SNTG1: variants seen among roughly 807,000 people sequenced by gnomAD.
SNTG1 encodes the protein syntrophin gamma 1, also known as gamma-1-syntrophin.
Under a neutral mutation model 74.7 loss-of-function variants are expected in SNTG1, and 39 were observed. The observed-to-expected ratio is 0.52, with a 90% CI of 0.40 to 0.68. The LOEUF (loss-of-function observed/expected upper bound fraction) is 0.68. Ranked by LOEUF, SNTG1 falls within the 30% of genes least tolerant of loss-of-function variation. SNTG1 has a pLI of 0.00. For synonymous variants in SNTG1, 254 were observed against 217.1 expected, an observed-to-expected ratio of 1.17 and a Z score of -1.49; for missense variants, 685 against 609.5, an observed-to-expected ratio of 1.12 and a Z score of -1.30.
intron 8 of SNTG1, among the ~76,000 whole-genome samples, chr8:50,490,377 A>G (rs928458747): frequency 1.3e-5 from 2 of 152,160 alleles, no homozygotes. Context: ...GGCCATTTTC[A>G]CGATATTGAT....
intron 12 of SNTG1, among the ~76,000 whole-genome samples, chr8:50,589,321 C>T (rs1003038990): frequency 6.6e-6 from 1 of 152,150 alleles, no homozygotes; most frequent in African/African-American, 2.4e-5. Context: ...TTCTGATGGT[C>T]TAGTAAACAC....
At chr8:49,959,175 G>A (rs1159776181) in intron 1 of SNTG1, among the ~76,000 whole-genome samples, 1 of 152,128 alleles carries the variant, frequency 6.6e-6, no homozygotes, top group Non-Finnish European at 1.5e-5. Flanking sequence ...CTGATTTATG[G>A]AAATTAGGCT....
rs7826565 is a variant in SNTG1 at position 50,283,985 on chromosome 8, T to A, written c.-27-110227T>A. ...AAATTGTTGGTACATTAGTATAAAG[T>A]AGAGTGCATACTTATTCAGATTTCA... On this transcript the variant is annotated intron_variant, in intron 2 of 18. Coordinates refer to ENST00000642720, the MANE Select transcript of SNTG1 (RefSeq NM_018967.5). Among the ~76,000 whole-genome samples, 406 of 152,230 alleles carry A rather than the reference T, an allele frequency of 2.7e-3. 2 individuals carry two copies. The highest frequency in any genetic ancestry group is 9.4e-3 in the African/African-American group (392 of 41,562).
At chr8:50,085,082 A>G (rs1822757162) in intron 1 of SNTG1, among the ~76,000 whole-genome samples, 2 of 152,252 alleles carry the variant, frequency 1.3e-5, no homozygotes, top group African/African-American at 4.8e-5. Context: ...AAGAGCAGGA[A>G]GCTGGTATGC....
intron 2 of SNTG1, among the ~76,000 whole-genome samples, chr8:50,242,193 A>T (rs1400893482): frequency 6.6e-6 from 1 of 151,940 alleles, no homozygotes; most frequent in Non-Finnish European, 1.5e-5. Flanking sequence ...TCATAAAGAA[A>T]ATGTCTTCTA....
chr8:50,324,886 C>T (rs1344456020), intron 2 of SNTG1, among the ~76,000 whole-genome samples: 1 of 147,340 alleles, frequency 6.8e-6, no homozygotes, highest in Non-Finnish European at 1.5e-5. Context: ...TTGTGATTTA[C>T]ATTTAGGTGT....
Position 50,533,006 on chromosome 8 carries a change from G to A in SNTG1, c.549+2747G>A, listed in dbSNP as rs931675648. ...ATTTTAATTCTAAGGGGAAATAAAG[G>A]CTTATAGTATATTAGCATCATTCCA... On this transcript the variant is annotated intron_variant, in intron 10 of 18. Transcript: ENST00000642720. 2.0e-5 allele frequency among the ~76,000 whole-genome samples: 3 copies of A among 152,076 alleles called. No homozygotes were observed. In the East Asian group the frequency reaches 5.8e-4, roughly 29 times the overall value.
At chr8:50,104,046 G>C (rs999261766) in intron 1 of SNTG1, among the ~76,000 whole-genome samples, 1 of 152,172 alleles carries the variant, frequency 6.6e-6, no homozygotes, top group Non-Finnish European at 1.5e-5. Context: ...TCTCTGCCCA[G>C]CTTTGGCATC....
chr8:50,145,992 G>T (rs2081850641), intron 1 of SNTG1, among the ~76,000 whole-genome samples: 1 of 151,364 alleles, frequency 6.6e-6, no homozygotes, highest in Non-Finnish European at 1.5e-5. Context: ...AAGAATGTTA[G>T]GTGGAAACTT....
intron 2 of SNTG1, among the ~76,000 whole-genome samples, chr8:50,215,363 G>A (rs1350770985): frequency 1.3e-5 from 2 of 148,758 alleles, no homozygotes. Flanking sequence ...AAGGGGCATA[G>A]AGAAATGTGT....
At position 50,370,945 on chromosome 8, in the gene SNTG1, A is replaced by T. The variant is rs539631016; in HGVS notation, c.-27-23267A>T. On this transcript the variant is annotated intron_variant, in intron 2 of 18. Transcript: ENST00000642720. ...TATGATCTCCCTAAGCTGAGATTCT[A>T]TTAGGGAGGATTTTAATAATTTGTT... Among the ~76,000 whole-genome samples the T allele has an allele frequency of 6.6e-5, 10 of 152,276 alleles. No individual in the cohort carries two copies. In the South Asian group the frequency reaches 2.1e-3, roughly 32 times the overall value.
At chr8:50,131,290 C>T (rs1045322370) in intron 1 of SNTG1, among the ~76,000 whole-genome samples, 2 of 151,880 alleles carry the variant, frequency 1.3e-5, no homozygotes, top group Admixed American at 1.3e-4. Context: ...AGTGGGCACT[C>T]GATTATTTCT....
intron 2 of SNTG1, among the ~76,000 whole-genome samples, 178 bp downstream of exon 2, chr8:50,172,813 T>G (rs370759822): frequency 2.5e-4 from 38 of 151,684 alleles, no homozygotes; most frequent in African/African-American, 8.5e-4. Flanking sequence ...ATGGAAGCAG[T>G]AGAAATATTC....
Position 50,059,232 on chromosome 8 carries a change from T to C in SNTG1, c.-102-113329T>C, listed in dbSNP as rs150171411. On this transcript the variant is annotated intron_variant, in intron 1 of 18. Coordinates refer to ENST00000642720, the MANE Select transcript of SNTG1 (RefSeq NM_018967.5). Reference sequence around the variant, plus strand: ...ATGCATTTCAATTTTTTATATAAAATAAGTTTTCATTTCACTGAGATAAAT... The same window carrying C: ...ATGCATTTCAATTTTTTATATAAAACAAGTTTTCATTTCACTGAGATAAAT... Among the ~76,000 whole-genome samples, 48 of 152,252 alleles carry C rather than the reference T, an allele frequency of 3.2e-4. 2 individuals carry two copies. In the East Asian group the frequency reaches 8.5e-3, roughly 27 times the overall value.
At chr8:49,999,552 G>A (rs930147584) in intron 1 of SNTG1, among the ~76,000 whole-genome samples, 4 of 152,074 alleles carry the variant, frequency 2.6e-5, no homozygotes, top group African/African-American at 2.4e-5. Flanking sequence ...CTGACCATTC[G>A]TCCCTATTCT....
chr8:50,781,844 G>T (rs747753116), intron 18 of SNTG1, among the ~76,000 whole-genome samples: 5 of 152,086 alleles, frequency 3.3e-5, no homozygotes, highest in African/African-American at 9.7e-5. Flanking sequence ...GGCTGGTACC[G>T]TTTTTTCCTT....
intron 8 of SNTG1, among the ~76,000 whole-genome samples, chr8:50,460,363 C>A (rs2093549409): frequency 6.6e-6 from 1 of 152,046 alleles, no homozygotes; most frequent in Non-Finnish European, 1.5e-5. Flanking sequence ...TGTTCCAGTT[C>A]TTTAAGGACT....
chr8:50,594,184 A>G (rs1054179317), intron 13 of SNTG1, among the ~76,000 whole-genome samples: 1 of 152,204 alleles, frequency 6.6e-6, no homozygotes, highest in Non-Finnish European at 1.5e-5. Flanking sequence ...ATTAGAGGTA[A>G]AGGCATATAG....
rs544104634 is a variant in SNTG1, at chr8:50,055,924, T to C, written c.-102-116637T>C. On this transcript the variant is annotated intron_variant, in intron 1 of 18. Coordinates refer to ENST00000642720, the MANE Select transcript of SNTG1 (RefSeq NM_018967.5). The stretch of plus-strand genomic sequence containing the variant: ...GAAAATATATGTTGCTGTCTTTTTA[T>C]TGGAAACAATGGATAATGTACCAGG... 3.9e-5 allele frequency among the ~76,000 whole-genome samples: 6 copies of C among 152,272 alleles called. No homozygotes were observed. The East Asian group carries it at 1.2e-3, about 29-fold the overall frequency.
Sources: allele counts gnomAD v4.1 joint callset (sites outside exome capture counted in the v4.1 genomes callset), GRCh38; gene constraint gnomAD v4.1.1; transcripts MANE v1.5; gene names NCBI Gene and HGNC (gene_info 2026-07-23, HGNC 2026-07-21).